Variants in KITLG observed in about 807,000 individuals in gnomAD.
The protein encoded by KITLG is KIT ligand.
Under a neutral mutation model 34.1 loss-of-function variants are expected in KITLG, and 13 were observed. That is an observed-to-expected ratio of 0.38 (90% CI 0.25 to 0.61). The LOEUF is 0.61. KITLG is among the 20% of genes least tolerant of loss of function. The probability of loss-of-function intolerance (pLI) is 0.60; values close to 1 mark genes in which losing one functional copy is unlikely to be tolerated. For missense variants in KITLG, 292 were observed against 318.9 expected (o/e 0.92, Z 0.64); for synonymous variants, 110 against 104.0 (o/e 1.06, Z -0.35).
intron 2 of KITLG, among the ~76,000 whole-genome samples, chr12:88,538,030 T>C (rs1393328498): frequency 6.6e-6 from 1 of 152,166 alleles, no homozygotes; most frequent in African/African-American, 2.4e-5. Flanking sequence ...ATGGGAATCA[T>C]ATAGAATCTA....
At chr12:88,497,690 G>A (rs181635796) in intron 9 of KITLG, among the ~76,000 whole-genome samples, 5 of 152,312 alleles carry the variant, frequency 3.3e-5, no homozygotes, top group Admixed American at 3.3e-4. Context: ...CAAAGTGTCT[G>A]GAGAGTGGAG....
intron 2 of KITLG, among the ~76,000 whole-genome samples, chr12:88,537,743 T>C (rs1294576674): frequency 3.3e-5 from 5 of 152,044 alleles, no homozygotes; most frequent in Admixed American, 6.6e-5. Flanking sequence ...TTCAACCCCG[T>C]AGTATATTGA....
chr12:88,579,985 G>T lies in KITLG; in HGVS notation c.15+279C>A, dbSNP rs190054318. ...CCAAAAGCCAATCTTTCCACCAGAC[G>T]GGAATTACGGTTTCCGACTGACAGC... On this transcript the variant is annotated intron_variant, in intron 1 of 9. Coordinates refer to ENST00000644744, the MANE Select transcript of KITLG (RefSeq NM_000899.5). 1,587 of 579,378 alleles carry T rather than the reference G, an allele frequency of 2.7e-3. 6 individuals are homozygous for T. Among genetic ancestry groups the T allele is most frequent in the Non-Finnish European group, 4.0e-3 (1,312 of 324,330 alleles). The allele number at this position is 579,378 out of a possible 1,614,324, so 35.9% of individuals were successfully genotyped here. A position where few individuals can be genotyped will look rare whatever the true frequency, so the allele number is the denominator to read the frequency against.
chr12:88,556,095 T>C (rs1033593718), intron 1 of KITLG, among the ~76,000 whole-genome samples: 50 of 151,632 alleles, frequency 3.3e-4, no homozygotes, highest in African/African-American at 1.2e-3. Flanking sequence ...AACTCAAAGT[T>C]AGTGAGGGAG....
In KITLG at chr12:88,495,833, AACT is replaced by A. The variant is rs1442176442; in HGVS notation, c.*1383_*1385del. ...GTGTACATTCAAGACATGTTAAAAG[AACT>A]TTCATCAAAATAAACCATAAGAAAT... On this transcript the variant is annotated 3_prime_UTR_variant, in exon 10 of 10. Transcript: ENST00000644744. 6.6e-6 allele frequency: 1 copy of A among 152,154 alleles called. No homozygotes were observed. The highest frequency in any genetic ancestry group is 2.4e-5 in the African/African-American group (1 of 41,444). 9.4% of individuals were successfully genotyped at this position (152,154 alleles called of 1,614,324 possible).
chr12:88,519,320 A>C (rs1869575363), intron 3 of KITLG, among the ~76,000 whole-genome samples: 1 of 152,140 alleles, frequency 6.6e-6, no homozygotes, highest in Non-Finnish European at 1.5e-5. Context: ...GTAAGTTTGC[A>C]TGCTTTATAT....
At chr12:88,527,605 G>A (rs1869925178) in intron 3 of KITLG, among the ~76,000 whole-genome samples, 1 of 152,190 alleles carries the variant, frequency 6.6e-6, no homozygotes, top group Non-Finnish European at 1.5e-5. Context: ...CTAAATCTGT[G>A]GGAGAAACTT....
intron 9 of KITLG, among the ~76,000 whole-genome samples, chr12:88,498,511 G>T (rs1868725686): frequency 1.3e-5 from 2 of 152,034 alleles, no homozygotes; most frequent in Admixed American, 1.3e-4. Flanking sequence ...AAGCAAAAGG[G>T]AATCACAAAA....
chr12:88,570,824 G>C (rs1269662003), intron 1 of KITLG, among the ~76,000 whole-genome samples: 1 of 152,158 alleles, frequency 6.6e-6, no homozygotes, highest in Non-Finnish European at 1.5e-5. Context: ...AGATACACTT[G>C]TGCAGTTTGT....
chr12:88,496,147 A>C lies in KITLG; in HGVS notation c.*1072T>G. The C allele has an allele frequency of 6.6e-6, 1 of 152,266 alleles. No homozygotes were observed. Among genetic ancestry groups the C allele is most frequent in the South Asian group, 2.1e-4 (1 of 4,828 alleles). The allele number at this position is 152,266 out of a possible 1,614,324, so 9.4% of individuals were successfully genotyped here. On this transcript the variant is annotated 3_prime_UTR_variant, in exon 10 of 10. Coordinates refer to ENST00000644744, the MANE Select transcript of KITLG (RefSeq NM_000899.5). ...GATAATGGTGATTATACTATAAATA[A>C]CTAAAGTTTCCTGATTCCTTGCATT... is the stretch of plus-strand genomic sequence containing the variant.
intron 1 of KITLG, among the ~76,000 whole-genome samples, chr12:88,571,572 T>C (rs1008098392): frequency 2.6e-5 from 4 of 152,170 alleles, no homozygotes; most frequent in African/African-American, 9.7e-5. Context: ...CTAGCACAAT[T>C]GTTAAAATTT....
intron 9 of KITLG, 65 bp downstream of exon 9, chr12:88,505,094 A>C (rs1234059992): frequency 2.4e-6 from 2 of 819,434 alleles, no homozygotes; most frequent in African/African-American, 3.5e-5. Context: ...CATTGTGCAC[A>C]TGTACCCTAG....
intron 1 of KITLG, among the ~76,000 whole-genome samples, chr12:88,566,479 G>A (rs1422026169): frequency 6.6e-6 from 1 of 152,138 alleles, no homozygotes; most frequent in Non-Finnish European, 1.5e-5. Flanking sequence ...CTCAGGGTAA[G>A]ATCACTAAAC....
intron 1 of KITLG, among the ~76,000 whole-genome samples, chr12:88,575,512 C>A (rs1463484253): frequency 6.6e-6 from 1 of 152,090 alleles, no homozygotes; most frequent in Non-Finnish European, 1.5e-5. Context: ...TTTTAGTATA[C>A]CCATAATTAA....
chr12:88,546,503 C>T (rs764643512), intron 1 of KITLG, among the ~76,000 whole-genome samples: 3 of 152,130 alleles, frequency 2.0e-5, no homozygotes, highest in South Asian at 2.1e-4. Flanking sequence ...CTCTCTCTCT[C>T]GAACACACAT....
At chr12:88,527,000 CTGGGACTA>C (rs1869896932) in intron 3 of KITLG, among the ~76,000 whole-genome samples, 3 of 151,606 alleles carry the variant, frequency 2.0e-5, no homozygotes, top group African/African-American at 4.8e-5. Context: ...TCCTGAGTAG[CTGGGACTA>C]CAGGCGCCCG....
Position 88,493,935 on chromosome 12 carries a change from C to T in KITLG, c.*3284G>A, listed in dbSNP as rs1868505740. ...CACTTTTACTAATGGACACTATTTACATTAGAAACAAGAACAGCAATGACT... is the reference window on the plus strand; with the variant it reads ...CACTTTTACTAATGGACACTATTTATATTAGAAACAAGAACAGCAATGACT... On this transcript the variant is annotated 3_prime_UTR_variant, in exon 10 of 10. Transcript: ENST00000644744. 1 of 151,944 alleles carries T rather than the reference C, an allele frequency of 6.6e-6. No individual in the cohort carries two copies. The highest frequency in any genetic ancestry group is 2.4e-5 in the African/African-American group (1 of 41,430). 9.4% of individuals were successfully genotyped at this position (151,944 alleles called of 1,614,324 possible).
At chr12:88,564,019 T>C (rs1428968753) in intron 1 of KITLG, among the ~76,000 whole-genome samples, 6 of 152,152 alleles carry the variant, frequency 3.9e-5, no homozygotes, top group African/African-American at 1.4e-4. Flanking sequence ...GATGATTTTT[T>C]ACAATGTATC....
At chr12:88,549,736 A>AT (rs1870831485) in intron 1 of KITLG, among the ~76,000 whole-genome samples, 1 of 152,212 alleles carries the variant, frequency 6.6e-6, no homozygotes, top group African/African-American at 2.4e-5. Context: ...AGATATAAAT[A>AT]TGATAACCTT....
Sources: allele counts gnomAD v4.1 joint callset (sites outside exome capture counted in the v4.1 genomes callset), GRCh38; gene constraint gnomAD v4.1.1; transcripts MANE v1.5; gene names NCBI Gene and HGNC (gene_info 2026-07-23, HGNC 2026-07-21).